The following LRRC2 variants were observed in gnomAD, a reference collection of about 807,000 sequenced individuals.
LRRC2 encodes the protein leucine-rich repeat-containing protein 2.
In LRRC2, 27 loss-of-function variants were observed where a neutral mutation model predicts 40.2. That is an observed-to-expected ratio of 0.67 (90% CI 0.49 to 0.93). The LOEUF is 0.93. Ranked by LOEUF, LRRC2 falls within the 40% of genes least tolerant of loss-of-function variation. The pLI, the probability that LRRC2 is intolerant of heterozygous loss-of-function variation, is 0.00. For missense variants in LRRC2, 402 were observed against 439.6 expected (o/e 0.91, Z 0.76); for synonymous variants, 147 against 158.9 (o/e 0.92, Z 0.56).
intron 6 of LRRC2, 83 bp from the exon 7 acceptor site, chr3:46,527,664 C>A: frequency 1.7e-6 from 2 of 1,163,956 alleles, no homozygotes; most frequent in Non-Finnish European, 2.5e-6. Flanking sequence ...TAAATTCTAA[C>A]AGGAAGTCCC....
intron 3 of LRRC2, among the ~76,000 whole-genome samples, chr3:46,543,250 A>C (rs1704436154): frequency 6.6e-6 from 1 of 152,126 alleles, no homozygotes; most frequent in Admixed American, 6.5e-5. Context: ...CACCTGGTTC[A>C]CAATGGAGGT....
Position 46,527,563 on chromosome 3 carries a change from G to T in LRRC2, c.792C>A (p.Ser264Arg). ...TCAACTTGTTTTTATACAAGAGAAA[G>T]CTCTGCAGCTCCTCTAGCCTAAGAA... ...QDIDRLEELQ[S>R]FLLYKNKLTY... Residue 264 changes from serine (S) to arginine (R), a missense_variant, in exon 7 of 9, where the codon AGC becomes AGA. Ser to Arg is a moderately radical substitution (Grantham distance 110). Coordinates refer to ENST00000395905, the MANE Select transcript of LRRC2 (RefSeq NM_024512.5). 1 of 1,613,972 alleles carries T rather than the reference G, an allele frequency of 6.2e-7. No homozygotes were observed.
At chr3:46,547,032 C>T (rs1704541394) in intron 2 of LRRC2, among the ~76,000 whole-genome samples, 1 of 152,214 alleles carries the variant, frequency 6.6e-6, no homozygotes, top group Non-Finnish European at 1.5e-5. Context: ...AACTCCCTTG[C>T]CCCTCTCTTG....
chr3:46,553,876 G>A (rs542667345), intron 1 of LRRC2, among the ~76,000 whole-genome samples: 3 of 152,182 alleles, frequency 2.0e-5, no homozygotes, highest in African/African-American at 7.2e-5. Context: ...TTGTGCAGCT[G>A]AAAATATGAA....
chr3:46,520,024 A>G (rs988954405), intron 8 of LRRC2, among the ~76,000 whole-genome samples: 1 of 151,714 alleles, frequency 6.6e-6, no homozygotes, highest in East Asian at 1.9e-4. Flanking sequence ...TAAAATTATT[A>G]TTATTTAGAA....
chr3:46,528,772 C>T (rs1704107545), intron 6 of LRRC2, among the ~76,000 whole-genome samples: 1 of 152,194 alleles, frequency 6.6e-6, no homozygotes, highest in Admixed American at 6.5e-5. Flanking sequence ...AGGCCTAAGC[C>T]ATTGCTGGCC....
At chr3:46,554,615 C>G (rs1312535642) in intron 1 of LRRC2, among the ~76,000 whole-genome samples, 1 of 145,086 alleles carries the variant, frequency 6.9e-6, no homozygotes, top group Non-Finnish European at 1.5e-5. Flanking sequence ...GCACTCCAGT[C>G]TGGGAGACAG....
At chr3:46,536,154 A>G (rs1372359137) in intron 4 of LRRC2, among the ~76,000 whole-genome samples, 2 of 152,216 alleles carry the variant, frequency 1.3e-5, no homozygotes, top group Admixed American at 1.3e-4. Context: ...GACAGCTACA[A>G]CGTAGGTCTA....
intron 1 of LRRC2, 87 bp from the exon 2 acceptor site, chr3:46,551,697 T>A: frequency 4.2e-5 from 31 of 739,528 alleles, no homozygotes; most frequent in East Asian, 5.3e-5. Context: ...TATGAATGAA[T>A]CACTTGGCTT....
At chr3:46,521,488 T>G (rs1703963252) in intron 8 of LRRC2, 34 bp downstream of exon 8, 1 of 1,483,630 alleles carries the variant, frequency 6.7e-7, no homozygotes, top group Non-Finnish European at 9.1e-7. Context: ...GTCTGTACAC[T>G]AATTTTAAAT....
At chr3:46,548,571 C>T (rs1420236049) in intron 2 of LRRC2, among the ~76,000 whole-genome samples, 1 of 152,150 alleles carries the variant, frequency 6.6e-6, no homozygotes, top group Admixed American at 6.5e-5. Context: ...CATTAGAGTT[C>T]TTCTAATTAA....
intron 1 of LRRC2, among the ~76,000 whole-genome samples, chr3:46,564,373 C>T (rs1705013577): frequency 6.9e-6 from 1 of 145,936 alleles, no homozygotes; most frequent in African/African-American, 2.5e-5. Context: ...AAACATGTCC[C>T]CTGGCACCAG....
At chr3:46,538,862 G>A (rs960479628) in intron 4 of LRRC2, among the ~76,000 whole-genome samples, 183 bp downstream of exon 4, 2 of 152,170 alleles carry the variant, frequency 1.3e-5, no homozygotes, top group African/African-American at 2.4e-5. Context: ...GCGAGACGCC[G>A]ACCTCACCAC....
At chr3:46,565,578 A>G (rs1340247499) in intron 1 of LRRC2, among the ~76,000 whole-genome samples, 1 of 152,168 alleles carries the variant, frequency 6.6e-6, no homozygotes, top group East Asian at 1.9e-4. Context: ...TGAACCCCCC[A>G]GTCCCTGAGT....
intron 2 of LRRC2, among the ~76,000 whole-genome samples, chr3:46,547,091 TC>T (rs1704542439): frequency 6.6e-6 from 1 of 152,226 alleles, no homozygotes; most frequent in South Asian, 2.1e-4. Flanking sequence ...CAACCCTTGT[TC>T]TTAGATTTCT....
At chr3:46,561,753 A>G (rs1335083855) in intron 1 of LRRC2, among the ~76,000 whole-genome samples, 4 of 152,192 alleles carry the variant, frequency 2.6e-5, no homozygotes, top group Non-Finnish European at 5.9e-5. Flanking sequence ...TGCTAACAAT[A>G]GAGTCTCCAA....
intron 1 of LRRC2, among the ~76,000 whole-genome samples, chr3:46,565,467 T>C (rs1705038036): frequency 6.6e-6 from 1 of 152,244 alleles, no homozygotes; most frequent in South Asian, 2.1e-4. Flanking sequence ...AGAATCCCTG[T>C]CACCAATTAA....
At chr3:46,551,633 T>C in intron 1 of LRRC2, 23 bp from the exon 2 acceptor site, 1 of 1,559,846 alleles carries the variant, frequency 6.4e-7, no homozygotes, top group South Asian at 1.2e-5. Flanking sequence ...TATATAGATA[T>C]GTCAGCTTGA....
At chr3:46,547,025 T>A (rs1704541234) in intron 2 of LRRC2, among the ~76,000 whole-genome samples, 2 of 152,172 alleles carry the variant, frequency 1.3e-5, no homozygotes, top group African/African-American at 4.8e-5. Flanking sequence ...CATCCTTAAC[T>A]CCCTTGCCCC....
Sources: gnomAD v4.1 joint callset for allele counts (sites outside exome capture counted in the v4.1 genomes callset) on GRCh38, gnomAD v4.1.1 for gene constraint, MANE v1.5 for transcripts, NCBI Gene and HGNC (gene_info 2026-07-23, HGNC 2026-07-21) for gene names.